SCARA3: variants seen among roughly 807,000 people sequenced by gnomAD.
The protein encoded by SCARA3 is scavenger receptor class A member 3, also known as cellular stress response gene protein.
In SCARA3, 39 loss-of-function variants were observed where a neutral mutation model predicts 47.0. That is an observed-to-expected ratio of 0.83 (90% CI 0.64 to 1.08). The LOEUF (loss-of-function observed/expected upper bound fraction) is 1.08, where lower values mean the gene tolerates loss of function less well. Ranked by LOEUF, SCARA3 falls within the 50% of genes least tolerant of loss-of-function variation. The pLI is 0.00. For synonymous variants in SCARA3, 356 were observed against 334.1 expected (o/e 1.07, Z -0.71); for missense variants, 724 against 792.3 (o/e 0.91, Z 1.04).
the SCARA3 span, among the ~76,000 whole-genome samples, chr8:27,714,305 C>A: frequency 2.0e-5 from 3 of 148,466 alleles, no homozygotes; most frequent in Non-Finnish European, 3.0e-5. Flanking sequence ...AAGCAATTCT[C>A]TGCCTCAGCC....
At chr8:27,704,819 T>C in the SCARA3 span, among the ~76,000 whole-genome samples, 1 of 152,174 alleles carries the variant, frequency 6.6e-6, no homozygotes, top group Non-Finnish European at 1.5e-5. Flanking sequence ...TCATGCCTAC[T>C]GTTTGGAAAT....
the SCARA3 span, among the ~76,000 whole-genome samples, chr8:27,685,013 G>T: frequency 3.3e-5 from 5 of 152,088 alleles, no homozygotes; most frequent in African/African-American, 1.2e-4. Flanking sequence ...ATGGAAAAAA[G>T]AAAGTTTAGA....
chr8:27,687,948 G>A, the SCARA3 span, among the ~76,000 whole-genome samples: 157 of 152,192 alleles, frequency 1.0e-3, no homozygotes, highest in African/African-American at 3.4e-3. Context: ...CCCGGGAGGC[G>A]GAGGTTGCAG....
intron 5 of SCARA3, among the ~76,000 whole-genome samples, chr8:27,667,500 G>C (rs567724211): frequency 2.6e-4 from 39 of 152,224 alleles, no homozygotes; most frequent in Non-Finnish European, 5.1e-4. Context: ...AGGAGCCAAG[G>C]TAGCGGCATG....
rs146233537 is a variant in SCARA3, at chr8:27,672,666, T to G, written c.*1315T>G. 171 of 985,572 alleles carry G rather than the reference T, an allele frequency of 1.7e-4. No homozygotes were observed. Among genetic ancestry groups the G allele is most frequent in the Admixed American group, 2.5e-4 (4 of 16,288 alleles). The allele number at this position is 985,572 out of a possible 1,614,324, so 61.1% of individuals were successfully genotyped here. On this transcript the variant is annotated 3_prime_UTR_variant, in exon 6 of 6. Coordinates refer to ENST00000301904, the MANE Select transcript of SCARA3 (RefSeq NM_016240.3). ...AGAGGCCCCCTCTGTCATCACTCCTTGGCACCCACCAACTTCCTGCACACA... is the reference window on the plus strand; with the variant it reads ...AGAGGCCCCCTCTGTCATCACTCCTGGGCACCCACCAACTTCCTGCACACA...
chr8:27,660,840 A>AGATT (rs1276250855), intron 5 of SCARA3, among the ~76,000 whole-genome samples: 3 of 50,810 alleles, frequency 5.9e-5, no homozygotes, highest in Non-Finnish European at 1.8e-4. Flanking sequence ...ATAGCTAGCT[A>AGATT]GCTAGATAGA....
the SCARA3 span, among the ~76,000 whole-genome samples, chr8:27,686,718 G>A: frequency 6.6e-6 from 1 of 152,146 alleles, no homozygotes; most frequent in Non-Finnish European, 1.5e-5. Flanking sequence ...GCCTATAGCA[G>A]GTAGCTGTTG....
At chr8:27,673,068 C>A, downstream of SCARA3, 1 of 886,098 alleles carries the variant, frequency 1.1e-6, no homozygotes, top group Non-Finnish European at 1.4e-6. Context: ...ATGATGCCTT[C>A]AGGGCTGCAC....
rs890132845 is a variant in SCARA3 at position 27,644,674 on chromosome 8, T to G, written c.8-5028T>G. Among the ~76,000 whole-genome samples, 6 of 151,860 alleles carry G rather than the reference T, an allele frequency of 4.0e-5. No homozygotes were observed. The South Asian group carries it at 1.0e-3, about 26-fold the overall frequency. On this transcript the variant is annotated intron_variant, in intron 1 of 5. Transcript: ENST00000301904. Reference sequence around the variant, plus strand: ...GAGAGACAGAAGGCAACCAGTGCTATTTCTGCCTTCCTATAAACGGAGTCT... The same window carrying G: ...GAGAGACAGAAGGCAACCAGTGCTAGTTCTGCCTTCCTATAAACGGAGTCT...
chr8:27,641,684 G>T (rs1208546809), intron 1 of SCARA3, among the ~76,000 whole-genome samples: 1 of 152,190 alleles, frequency 6.6e-6, no homozygotes, highest in East Asian at 1.9e-4. Flanking sequence ...GCGAGGAAAG[G>T]CTGAGTGCAT....
At chr8:27,673,052 G>A (rs1270704143), downstream of SCARA3, 2 of 959,896 alleles carry the variant, frequency 2.1e-6, no homozygotes, top group African/African-American at 3.5e-5. Flanking sequence ...TGCCTGACTT[G>A]GGGGCATGAT....
downstream of SCARA3, among the ~76,000 whole-genome samples, chr8:27,675,188 C>G (rs944726326): frequency 6.6e-6 from 1 of 152,188 alleles, no homozygotes; most frequent in Non-Finnish European, 1.5e-5. Flanking sequence ...GGCAAGCCTT[C>G]TGCCGTCCCT....
intron 3 of SCARA3, among the ~76,000 whole-genome samples, chr8:27,653,810 C>G (rs1801686399): frequency 6.6e-6 from 1 of 152,050 alleles, no homozygotes; most frequent in African/African-American, 2.4e-5. Flanking sequence ...AAAACACAGA[C>G]CCTGCCTTCA....
intron 3 of SCARA3, among the ~76,000 whole-genome samples, chr8:27,656,256 G>A (rs1801741340): frequency 6.6e-6 from 1 of 152,066 alleles, no homozygotes; most frequent in Admixed American, 6.6e-5. Flanking sequence ...CTCTTACTAG[G>A]CCTAATTTAT....
chr8:27,727,034 C>T, the SCARA3 span, among the ~76,000 whole-genome samples: 10 of 152,096 alleles, frequency 6.6e-5, no homozygotes, highest in Non-Finnish European at 1.3e-4. Context: ...CCTCGGCATC[C>T]CAAAGTGTTG....
the SCARA3 span, among the ~76,000 whole-genome samples, chr8:27,718,006 A>T: frequency 6.6e-6 from 1 of 152,078 alleles, no homozygotes; most frequent in South Asian, 2.1e-4. Context: ...ACATTTAGGG[A>T]TGCTTACTGT....
At chr8:27,667,957 T>C (rs1016426401) in intron 5 of SCARA3, among the ~76,000 whole-genome samples, 1 of 152,192 alleles carries the variant, frequency 6.6e-6, no homozygotes, top group Non-Finnish European at 1.5e-5. Context: ...ATCTGGGTTC[T>C]CAGAGATGGG....
At position 27,653,408 on chromosome 8, in the gene SCARA3, G is replaced by C. The variant is rs35396599; in HGVS notation, c.226+1781G>C. Reference sequence around the variant, plus strand: ...CAGAGGATCAGAACAACCTGGGTGAGGAGTGTGTGTTTGTGAACCACGGGA... The same window carrying C: ...CAGAGGATCAGAACAACCTGGGTGACGAGTGTGTGTTTGTGAACCACGGGA... On this transcript the variant is annotated intron_variant, in intron 3 of 5. Coordinates refer to ENST00000301904, the MANE Select transcript of SCARA3 (RefSeq NM_016240.3). Among the ~76,000 whole-genome samples, 955 of 152,330 alleles carry C rather than the reference G, an allele frequency of 6.3e-3. 13 individuals carry two copies. The highest frequency in any genetic ancestry group is 0.022 in the African/African-American group (899 of 41,564).
intron 3 of SCARA3, among the ~76,000 whole-genome samples, chr8:27,652,631 C>G (rs1273880905): frequency 6.6e-6 from 1 of 152,204 alleles, no homozygotes; most frequent in African/African-American, 2.4e-5. Flanking sequence ...GGCCAGCATA[C>G]TAATGATTTG....
Sources: gnomAD v4.1 joint callset for allele counts (sites outside exome capture counted in the v4.1 genomes callset) on GRCh38, gnomAD v4.1.1 for gene constraint, MANE v1.5 for transcripts, NCBI Gene and HGNC (gene_info 2026-07-23, HGNC 2026-07-21) for gene names.